PCDHGA6: variants seen among roughly 807,000 people sequenced by gnomAD.
PCDHGA6 encodes the protein protocadherin gamma subfamily A, 6.
Under a neutral mutation model 60.6 loss-of-function variants are expected in PCDHGA6, and 41 were observed. That is an observed-to-expected ratio of 0.68 (90% confidence interval 0.53 to 0.88). The LOEUF (loss-of-function observed/expected upper bound fraction) is 0.88, where lower values mean the gene tolerates loss of function less well. Among genes scored for constraint, PCDHGA6 ranks in the 40% least tolerant of loss-of-function variants. The probability of loss-of-function intolerance (pLI) is 0.00; values close to 1 mark genes in which losing one functional copy is unlikely to be tolerated. For missense variants in PCDHGA6, 1,312 were observed against 1,203.0 expected (o/e 1.09, Z -1.34); for synonymous variants, 594 against 524.4 (o/e 1.13, Z -1.81).
intron 1 of PCDHGA6, chr5:141,389,583 C>T: frequency 1.2e-6 from 2 of 1,613,188 alleles, no homozygotes; most frequent in Non-Finnish European, 1.7e-6. Flanking sequence ...CGCGCTGGGT[C>T]CCGACGGCTC....
intron 3 of PCDHGA6, among the ~76,000 whole-genome samples, chr5:141,506,444 CA>C (rs1219684339): frequency 0.54 from 51,660 of 95,006 alleles, 10,715 homozygotes; most frequent in African/African-American, 0.61. Context: ...CGCTCTGTCT[CA>C]AAAAAAAAAA....
At chr5:141,450,080 C>G (rs140080701) in intron 1 of PCDHGA6, among the ~76,000 whole-genome samples, 6,313 of 144,358 alleles carry the variant, frequency 0.044, 398 homozygotes, top group Admixed American at 0.19. Context: ...GATCTTGGCT[C>G]ACTGCAACCT....
At chr5:141,446,767 G>A (rs891355909) in intron 1 of PCDHGA6, among the ~76,000 whole-genome samples, 12 of 152,118 alleles carry the variant, frequency 7.9e-5, no homozygotes, top group Non-Finnish European at 1.2e-4. Flanking sequence ...GCGCCCAGCC[G>A]GTTACCATTC....
At chr5:141,390,432 C>A in intron 1 of PCDHGA6, 2 of 985,350 alleles carry the variant, frequency 2.0e-6, no homozygotes, top group Admixed American at 2.8e-5. Context: ...GCTGTCATAT[C>A]ATTCTACAAA....
chr5:141,426,753 A>G (rs1360041118), intron 1 of PCDHGA6: 3 of 456,298 alleles, frequency 6.6e-6, no homozygotes, highest in East Asian at 7.0e-5. Flanking sequence ...GGAATCTGCT[A>G]TAGATGCAGA....
chr5:141,391,780 T>C (rs1004185174), intron 1 of PCDHGA6: 1 of 152,220 alleles, frequency 6.6e-6, no homozygotes, highest in Non-Finnish European at 1.5e-5. Context: ...TAGTCATTAC[T>C]TTTTGCAGTT....
Position 141,477,771 on chromosome 5 carries a change from G to A in PCDHGA6, c.2425-17036G>A. 1 of 1,613,992 alleles carries A rather than the reference G, an allele frequency of 6.2e-7. No homozygotes were observed. The highest frequency in any genetic ancestry group is 1.3e-5 in the African/African-American group (1 of 75,054). ...ACCCCGGTCCTAGCCACCAACATCA[G>A]CGTGAACATATTTGTCACTGATCGC... On this transcript the variant is annotated intron_variant, in intron 1 of 3. Transcript: ENST00000517434. This position sits in a 1 kb window ranked among gnomAD's most constrained non-coding sequence, Gnocchi z 4.9.
chr5:141,510,289 A>T (rs1279501931), intron 3 of PCDHGA6, among the ~76,000 whole-genome samples: 3 of 151,754 alleles, frequency 2.0e-5, no homozygotes, highest in Non-Finnish European at 4.4e-5. Context: ...AAAAAAAAAA[A>T]AATGCTGTTT....
chr5:141,509,516 T>C (rs2099877144), intron 3 of PCDHGA6, among the ~76,000 whole-genome samples: 1 of 152,130 alleles, frequency 6.6e-6, no homozygotes, highest in Non-Finnish European at 1.5e-5. Context: ...GTGTTGATGA[T>C]GTATTGCACA....
intron 1 of PCDHGA6, among the ~76,000 whole-genome samples, chr5:141,462,361 T>C (rs1354253099): frequency 6.6e-6 from 1 of 152,282 alleles, no homozygotes; most frequent in Non-Finnish European, 1.5e-5. Flanking sequence ...ATACATTGTA[T>C]AGTTTCTATT....
chr5:141,509,143 C>G (rs1022878562), intron 3 of PCDHGA6, among the ~76,000 whole-genome samples: 1 of 152,256 alleles, frequency 6.6e-6, no homozygotes, highest in African/African-American at 2.4e-5. Context: ...AGGCGCATCC[C>G]GGCTCTCCCC....
rs1221067458 is a variant in PCDHGA6 at position 141,491,658 on chromosome 5, C to T, written c.2425-3149C>T. The T allele has an allele frequency of 3.1e-6, 5 of 1,613,822 alleles. No individual in the cohort carries two copies. The highest frequency in any genetic ancestry group is 2.2e-5 in the South Asian group (2 of 91,088). Reference sequence around the variant, plus strand: ...CCACAGCTCTGGCGCTGGAGCCTGACGCCATCCGGTCCCGCTCTAATACGC... The same window carrying T: ...CCACAGCTCTGGCGCTGGAGCCTGATGCCATCCGGTCCCGCTCTAATACGC... On this transcript the variant is annotated intron_variant, in intron 1 of 3. Coordinates refer to ENST00000517434, the MANE Select transcript of PCDHGA6 (RefSeq NM_018919.3). The surrounding 1 kb of genome is among the most constrained non-coding windows in gnomAD (Gnocchi z 6.9).
chr5:141,503,825 CA>C (rs2154593417), intron 2 of PCDHGA6, among the ~76,000 whole-genome samples: 1 of 152,186 alleles, frequency 6.6e-6, no homozygotes, highest in Non-Finnish European at 1.5e-5. Flanking sequence ...TGGGCAAAAC[CA>C]AAAGCAGGGA....
At chr5:141,443,538 G>C (rs768723399) in intron 1 of PCDHGA6, among the ~76,000 whole-genome samples, 11 of 152,118 alleles carry the variant, frequency 7.2e-5, no homozygotes. Flanking sequence ...TTTAAAGCTT[G>C]GGAAATTGTT....
intron 1 of PCDHGA6, chr5:141,423,261 C>T (rs1181343306): frequency 6.2e-7 from 1 of 1,613,870 alleles, no homozygotes; most frequent in Non-Finnish European, 8.5e-7. Flanking sequence ...ACCTCGGCAG[C>T]CTCGAGTCTC....
chr5:141,390,867 C>CGTGT (rs61319619), intron 1 of PCDHGA6: 7,865 of 151,126 alleles, frequency 0.052, 273 homozygotes, highest in African/African-American at 0.097. Context: ...GCTGTGTGTG[C>CGTGT]GTGTGTGTGT....
intron 1 of PCDHGA6, chr5:141,441,802 T>C (rs2098274220): frequency 2.6e-6 from 1 of 382,538 alleles, no homozygotes; most frequent in South Asian, 2.1e-5. Flanking sequence ...GCACCGCGGG[T>C]GCTGTACCCC....
Position 141,441,798 on chromosome 5 carries a change from CGGGT to C in PCDHGA6, c.2425-53007_2425-53004del, listed in dbSNP as rs1242635625. 6.4e-4 allele frequency: 248 copies of C among 387,326 alleles called. 2 individuals are homozygous for C. The highest frequency in any genetic ancestry group is 4.8e-3 in the African/African-American group (220 of 46,120). 24.0% of individuals were successfully genotyped at this position (387,326 alleles called of 1,614,324 possible). A position where few individuals can be genotyped will look rare whatever the true frequency, so the allele number is the denominator to read the frequency against. ...GGACGACCTGAATGACAACGCACCG[CGGGT>C]GCTGTACCCCAGCTCTGGAGCGCAA... On this transcript the variant is annotated intron_variant, in intron 1 of 3. Transcript: ENST00000517434.
At position 141,510,993 on chromosome 5, in the gene PCDHGA6, G is replaced by A. The variant is rs1457918073; in HGVS notation, c.2619G>A (p.Met873Ile). The A allele has an allele frequency of 4.3e-6, 7 of 1,614,046 alleles. No homozygotes were observed. Among genetic ancestry groups the A allele is most frequent in the African/African-American group, 1.3e-5 (1 of 74,906 alleles). ...CCCTGGGAGGGGGTGCCGGCACCAT[G>A]GGATTGAGCGCCCGCTACGGACCCC... ...SSTLGGGAGT[M>I]GLSARYGPQF... The change falls in exon 4 of 4, where the codon ATG (methionine) becomes ATA (isoleucine). Residue 873 changes from methionine to isoleucine, a missense_variant. Transcript: ENST00000517434.
Sources: gnomAD v4.1 joint callset for allele counts (sites outside exome capture counted in the v4.1 genomes callset) on GRCh38, gnomAD v4.1.1 for gene constraint, Gnocchi (gnomAD v3.1) non-coding constraint, MANE v1.5 for transcripts, NCBI Gene and HGNC (gene_info 2026-07-23, HGNC 2026-07-21) for gene names.